RAPGEF1: variants seen among roughly 807,000 people sequenced by gnomAD.
RAPGEF1 encodes Rap guanine nucleotide exchange factor 1.
RAPGEF1 carries 33 observed loss-of-function variants against 143.3 expected under a neutral mutation model. The ratio of observed to expected loss-of-function variants is 0.23; its 90% CI spans 0.17 to 0.31. RAPGEF1 has a LOEUF of 0.31. Among genes scored for constraint, RAPGEF1 ranks in the 10% least tolerant of loss-of-function variants. RAPGEF1 has a pLI of 1.00. For synonymous variants in RAPGEF1, 629 were observed against 676.5 expected (o/e 0.93, Z 1.09); for missense variants, 1,199 against 1,645.4 (o/e 0.73, Z 4.69).
At chr9:131,588,080 G>T in intron 20 of RAPGEF1, 54 bp from the exon 21 acceptor site, 1 of 1,444,026 alleles carries the variant, frequency 6.9e-7, no homozygotes, top group Non-Finnish European at 9.6e-7. Context: ...CCGGTGGGGA[G>T]GGCTGAGCAG....
At chr9:131,617,601 A>G (rs1014965285) in intron 12 of RAPGEF1, among the ~76,000 whole-genome samples, 1 of 152,266 alleles carries the variant, frequency 6.6e-6, no homozygotes, top group Non-Finnish European at 1.5e-5. Context: ...TCTCATGTGT[A>G]AAGTTAGAAA....
intron 3 of RAPGEF1, among the ~76,000 whole-genome samples, chr9:131,644,857 C>A (rs903176032): frequency 2.0e-5 from 3 of 151,990 alleles, no homozygotes; most frequent in Non-Finnish European, 2.9e-5. Context: ...TAAAAATGTT[C>A]AATAGTAGAG....
chr9:131,604,503 C>T (rs963946127), intron 13 of RAPGEF1, among the ~76,000 whole-genome samples: 2 of 152,250 alleles, frequency 1.3e-5, no homozygotes, highest in Non-Finnish European at 2.9e-5. Flanking sequence ...ATCGGCACCA[C>T]ATGCAACCGA....
chr9:131,590,058 C>G, intron 18 of RAPGEF1, 80 bp from the exon 19 acceptor site: 2 of 1,264,164 alleles, frequency 1.6e-6, no homozygotes, highest in Non-Finnish European at 2.3e-6. Context: ...TGACCACTCA[C>G]TGAGCGCTCA....
chr9:131,718,346 CAT>C (rs1372415706), intron 1 of RAPGEF1, among the ~76,000 whole-genome samples: 1 of 152,204 alleles, frequency 6.6e-6, no homozygotes, highest in Non-Finnish European at 1.5e-5. Context: ...GATCGCTTCA[CAT>C]GTGTGGGGAA....
At position 131,593,413 on chromosome 9, in the gene RAPGEF1, C is replaced by T. The variant is rs568489989; in HGVS notation, c.2690-1230G>A. Among the ~76,000 whole-genome samples the T allele has an allele frequency of 5.7e-4, 87 of 152,380 alleles. No individual in the cohort carries two copies. In the South Asian group the frequency reaches 0.011, roughly 20 times the overall value. ...AGACTCACTCCCTGCAGCCACCCCCCGTGCCTGCTGAGGTGTGAGGCCCAA... is the reference window on the plus strand; with the variant it reads ...AGACTCACTCCCTGCAGCCACCCCCTGTGCCTGCTGAGGTGTGAGGCCCAA... On this transcript the variant is annotated intron_variant, in intron 17 of 26. Coordinates refer to ENST00000683357, the MANE Select transcript of RAPGEF1 (RefSeq NM_001377935.1).
Position 131,622,117 on chromosome 9 carries a change from C to T in RAPGEF1, c.1703-119G>A, listed in dbSNP as rs549475433. 153 of 962,502 alleles carry T rather than the reference C, an allele frequency of 1.6e-4. 1 individual carries two copies. Among genetic ancestry groups the T allele is most frequent in the South Asian group, 1.0e-3 (69 of 69,028 alleles). 59.6% of individuals were successfully genotyped at this position (962,502 alleles called of 1,614,324 possible). ...CCACTGAAAGCACCTCAGAGAGGGA[C>T]GAACAGACGGAGCACGGAGGACTTT... On this transcript the variant is annotated intron_variant, in intron 10 of 26. Transcript: ENST00000683357.
At chr9:131,679,073 G>A (rs1437623781) in intron 1 of RAPGEF1, among the ~76,000 whole-genome samples, 1 of 151,842 alleles carries the variant, frequency 6.6e-6, no homozygotes. Context: ...TGGGGGTGGG[G>A]GGAAATGATG....
intron 3 of RAPGEF1, among the ~76,000 whole-genome samples, chr9:131,646,103 G>A (rs1012603229): frequency 4.6e-5 from 7 of 152,164 alleles, no homozygotes; most frequent in African/African-American, 1.7e-4. Flanking sequence ...ACCACTCATC[G>A]GGGACATGGA....
intron 18 of RAPGEF1, among the ~76,000 whole-genome samples, chr9:131,590,712 A>G (rs1190498448): frequency 6.6e-6 from 1 of 152,242 alleles, no homozygotes; most frequent in Middle Eastern, 3.2e-3. Context: ...GGACAGAGCA[A>G]CGTACCAGGG....
At chr9:131,698,323 T>G (rs1356726265) in intron 1 of RAPGEF1, among the ~76,000 whole-genome samples, 1 of 152,194 alleles carries the variant, frequency 6.6e-6, no homozygotes, top group Non-Finnish European at 1.5e-5. Flanking sequence ...GAAAGGGGCT[T>G]TGACGTCAGA....
At chr9:131,731,581 GTT>G (rs1235809505) in intron 1 of RAPGEF1, among the ~76,000 whole-genome samples, 1 of 152,108 alleles carries the variant, frequency 6.6e-6, no homozygotes, top group Non-Finnish European at 1.5e-5. Context: ...CTCCTGCTCC[GTT>G]TTTAACAATA....
chr9:131,698,357 C>T (rs1162862815), intron 1 of RAPGEF1, among the ~76,000 whole-genome samples: 1 of 152,216 alleles, frequency 6.6e-6, no homozygotes, highest in Non-Finnish European at 1.5e-5. Flanking sequence ...CCCAATTCTG[C>T]CACTTACTAG....
intron 1 of RAPGEF1, among the ~76,000 whole-genome samples, chr9:131,669,368 G>A (rs1018512004): frequency 1.3e-5 from 2 of 152,122 alleles, no homozygotes; most frequent in African/African-American, 4.8e-5. Flanking sequence ...GACAGTGAAG[G>A]GACAGGAGTC....
intron 1 of RAPGEF1, among the ~76,000 whole-genome samples, chr9:131,730,609 T>C (rs1836987032): frequency 7.0e-6 from 1 of 143,016 alleles, no homozygotes; most frequent in Non-Finnish European, 1.5e-5. Flanking sequence ...GCAGAAGAAT[T>C]GCTTGAACCT....
chr9:131,597,097 A>AC (rs1321891783), intron 16 of RAPGEF1, among the ~76,000 whole-genome samples: 1 of 151,848 alleles, frequency 6.6e-6, no homozygotes, highest in Non-Finnish European at 1.5e-5. Context: ...GTCCAGGACA[A>AC]CCCCCCAGGC....
chr9:131,739,746 A>G, intron 1 of RAPGEF1, 24 bp downstream of exon 1: 1 of 1,128,264 alleles, frequency 8.9e-7, no homozygotes, highest in South Asian at 2.2e-5. Flanking sequence ...GGCCGGAGGG[A>G]GCCGCCCCAC....
At chr9:131,604,493 A>G (rs140346877) in intron 13 of RAPGEF1, among the ~76,000 whole-genome samples, 5 of 152,362 alleles carry the variant, frequency 3.3e-5, no homozygotes, top group Non-Finnish European at 5.9e-5. Flanking sequence ...GGCTTCTGTC[A>G]TCGGCACCAC....
In RAPGEF1 at chr9:131,655,099, G is replaced by T. The variant is rs573895608; in HGVS notation, c.62-4150C>A. 6.6e-6 allele frequency among the ~76,000 whole-genome samples: 1 copy of T among 152,152 alleles called. No homozygotes were observed. Among genetic ancestry groups the T allele is most frequent in the African/African-American group, 2.4e-5 (1 of 41,432 alleles). On this transcript the variant is annotated intron_variant, in intron 1 of 26. Transcript: ENST00000683357. This position sits in a 1 kb window ranked among gnomAD's most constrained non-coding sequence, Gnocchi z 4.1. ...CTCACTCTGTCTACTATTGCTGCAC[G>T]TGACTTAACAAGGCCAAAGTTCAGT... is the stretch of plus-strand genomic sequence containing the variant.
Sources: gnomAD v4.1 joint callset for allele counts (sites outside exome capture counted in the v4.1 genomes callset) on GRCh38, gnomAD v4.1.1 for gene constraint, Gnocchi (gnomAD v3.1) non-coding constraint, MANE v1.5 for transcripts, NCBI Gene and HGNC (gene_info 2026-07-23, HGNC 2026-07-21) for gene names.